MAGI1: variants seen among roughly 807,000 people sequenced by gnomAD.
MAGI1 encodes membrane-associated guanylate kinase, WW and PDZ domain-containing protein 1.
A neutral mutation model predicts 139.9 loss-of-function variants in MAGI1; 58 were observed. That is an observed-to-expected ratio of 0.41 (90% CI 0.34 to 0.52). The LOEUF is 0.52. Ranked by LOEUF, MAGI1 falls within the 20% of genes least tolerant of loss-of-function variation. The pLI is 0.12. For synonymous variants in MAGI1, 812 were observed against 737.9 expected, an observed-to-expected ratio of 1.10 and a Z score of -1.63; for missense variants, 1,874 against 1,901.6, an observed-to-expected ratio of 0.99 and a Z score of 0.27.
intron 1 of MAGI1, among the ~76,000 whole-genome samples, chr3:65,974,985 G>T (rs944223703): frequency 6.6e-6 from 1 of 151,908 alleles, no homozygotes; most frequent in African/African-American, 2.4e-5. Flanking sequence ...TGCAAAGCCA[G>T]TAACAAATTA....
intron 1 of MAGI1, among the ~76,000 whole-genome samples, chr3:65,922,828 T>C (rs2062279296): frequency 2.6e-5 from 4 of 152,292 alleles, no homozygotes; most frequent in Admixed American, 2.6e-4. Context: ...CAGGTTTCTG[T>C]CAAATAATAA....
chr3:65,721,618 C>CT (rs2033034271), intron 1 of MAGI1, among the ~76,000 whole-genome samples: 1 of 152,258 alleles, frequency 6.6e-6, no homozygotes, highest in East Asian at 1.9e-4. Context: ...ATCATAATCC[C>CT]TTGAGGCAAA....
At chr3:65,459,151 T>G (rs1173696732) in intron 5 of MAGI1, among the ~76,000 whole-genome samples, 2 of 152,174 alleles carry the variant, frequency 1.3e-5, no homozygotes, top group Non-Finnish European at 2.9e-5. Flanking sequence ...TTCTGTTCCA[T>G]TGGTCTATGT....
intron 5 of MAGI1, among the ~76,000 whole-genome samples, chr3:65,460,478 CT>C (rs545364943): frequency 2.3e-4 from 34 of 148,224 alleles, no homozygotes; most frequent in East Asian, 1.4e-3. Flanking sequence ...CCCTCATTAT[CT>C]TTTTTTTTTG....
intron 1 of MAGI1, among the ~76,000 whole-genome samples, chr3:65,895,892 T>C: frequency 6.6e-6 from 1 of 152,242 alleles, no homozygotes; most frequent in South Asian, 2.1e-4. Context: ...AAGCTATTAA[T>C]TATTCAGCAT....
chr3:65,803,741 T>C (rs924718594), intron 1 of MAGI1, among the ~76,000 whole-genome samples: 1 of 152,086 alleles, frequency 6.6e-6, no homozygotes, highest in Non-Finnish European at 1.5e-5. Flanking sequence ...GTTGTTCCCC[T>C]CTCTGTGTCC....
intron 1 of MAGI1, among the ~76,000 whole-genome samples, chr3:65,819,354 C>T (rs750047344): frequency 2.6e-5 from 4 of 152,092 alleles, no homozygotes; most frequent in Admixed American, 1.3e-4. Context: ...ACAGAATATG[C>T]GATTTTAACT....
chr3:65,899,882 T>G (rs2061147429), intron 1 of MAGI1, among the ~76,000 whole-genome samples: 1 of 152,232 alleles, frequency 6.6e-6, no homozygotes, highest in African/African-American at 2.4e-5. Flanking sequence ...ATAGAAGTCT[T>G]GGTCAAGTCC....
Position 65,421,261 on chromosome 3 carries a change from A to G in MAGI1, c.2167+8259T>C, listed in dbSNP as rs540834545. Among the ~76,000 whole-genome samples, 11 of 152,348 alleles carry G rather than the reference A, an allele frequency of 7.2e-5. No individual in the cohort carries two copies. The South Asian group carries it at 1.9e-3, about 26-fold the overall frequency. On this transcript the variant is annotated intron_variant, in intron 12 of 22. Coordinates refer to ENST00000402939, the MANE Select transcript of MAGI1 (RefSeq NM_001033057.2). ...TAAAACTGCATTATGAATAAAGGCC[A>G]GAAGGCTCCTTTAATACCAAATTGG... is the stretch of plus-strand genomic sequence containing the variant.
intron 1 of MAGI1, among the ~76,000 whole-genome samples, chr3:65,642,405 G>A (rs767664643): frequency 1.3e-5 from 2 of 152,138 alleles, no homozygotes; most frequent in Non-Finnish European, 2.9e-5. Flanking sequence ...CGGAAGACTC[G>A]AAGGGAATGA....
chr3:66,008,702 T>G (rs1434729819), intron 1 of MAGI1: 1 of 151,842 alleles, frequency 6.6e-6, no homozygotes, highest in Non-Finnish European at 1.5e-5. Flanking sequence ...AGGAAGAGTA[T>G]GGGGGGGCAG....
At chr3:65,466,608 C>T (rs1950190552) in intron 5 of MAGI1, among the ~76,000 whole-genome samples, 1 of 152,132 alleles carries the variant, frequency 6.6e-6, no homozygotes, top group Admixed American at 6.6e-5. Context: ...AGGGTGGGCT[C>T]TTCACCATTG....
intron 1 of MAGI1, among the ~76,000 whole-genome samples, chr3:65,649,206 C>T (rs1392209302): frequency 6.6e-6 from 1 of 151,926 alleles, no homozygotes; most frequent in Admixed American, 6.6e-5. Context: ...AGACACCCCA[C>T]CCCAATCTCT....
At chr3:65,827,186 C>CT (rs910826487) in intron 1 of MAGI1, among the ~76,000 whole-genome samples, 2 of 152,010 alleles carry the variant, frequency 1.3e-5, no homozygotes, top group South Asian at 2.1e-4. Flanking sequence ...GGTAGCTCTC[C>CT]TTTTTTTTCT....
intron 1 of MAGI1, among the ~76,000 whole-genome samples, chr3:65,696,755 A>T (rs1466093476): frequency 6.6e-6 from 1 of 152,172 alleles, no homozygotes; most frequent in African/African-American, 2.4e-5. Flanking sequence ...TATAATAAAG[A>T]AACAAGAATA....
At chr3:65,918,048 T>C (rs1032928211) in intron 1 of MAGI1, among the ~76,000 whole-genome samples, 3 of 152,196 alleles carry the variant, frequency 2.0e-5, no homozygotes, top group African/African-American at 4.8e-5. Flanking sequence ...TAGGAAATCT[T>C]TGTACCTTCC....
intron 1 of MAGI1, among the ~76,000 whole-genome samples, chr3:66,037,655 G>A (rs1355338339): frequency 6.6e-6 from 1 of 152,186 alleles, no homozygotes; most frequent in African/African-American, 2.4e-5. Context: ...AAGGAGCCAG[G>A]ACAGCGTCCA....
chr3:65,951,080 AAG>A (rs1013050000), intron 1 of MAGI1, among the ~76,000 whole-genome samples: 3 of 151,636 alleles, frequency 2.0e-5, no homozygotes, highest in Admixed American at 6.6e-5. Flanking sequence ...AAGAAAAGAA[AAG>A]AGAGAGGGAA....
chr3:65,661,501 A>C (rs1465285391), intron 1 of MAGI1, among the ~76,000 whole-genome samples: 1 of 152,200 alleles, frequency 6.6e-6, no homozygotes. Flanking sequence ...GTATGGTTAA[A>C]GTCTGAGACT....
Sources: allele counts gnomAD v4.1 joint callset (sites outside exome capture counted in the v4.1 genomes callset), GRCh38; gene constraint gnomAD v4.1.1; transcripts MANE v1.5; gene names NCBI Gene and HGNC (gene_info 2026-07-23, HGNC 2026-07-21).